Variants in COX7B2 observed in about 807,000 individuals in gnomAD.
COX7B2 encodes the protein cytochrome c oxidase subunit 7B2, mitochondrial.
For synonymous variants in COX7B2, 37 were observed against 32.1 expected (o/e 1.15, Z -0.51); for missense variants, 109 against 95.9 (o/e 1.14, Z -0.57).
At chr4:46,762,116 A>G (rs1716185572) in intron 2 of COX7B2, among the ~76,000 whole-genome samples, 1 of 149,616 alleles carries the variant, frequency 6.7e-6, no homozygotes, top group Non-Finnish European at 1.5e-5. Flanking sequence ...ATTGTAGTCT[A>G]AACAGAAATG....
At chr4:46,856,195 G>A (rs1477484894) in intron 1 of COX7B2, among the ~76,000 whole-genome samples, 1 of 152,022 alleles carries the variant, frequency 6.6e-6, no homozygotes, top group African/African-American at 2.4e-5. Context: ...AGTAAGCCAA[G>A]ATCAATGCAC....
intron 2 of COX7B2, among the ~76,000 whole-genome samples, chr4:46,765,452 C>T (rs967521238): frequency 6.6e-6 from 1 of 152,146 alleles, no homozygotes; most frequent in Non-Finnish European, 1.5e-5. Flanking sequence ...TCTAGGCTAG[C>T]CTCTGTAGCC....
At chr4:46,869,676 C>A (rs985406526) in intron 1 of COX7B2, among the ~76,000 whole-genome samples, 1 of 151,342 alleles carries the variant, frequency 6.6e-6, no homozygotes, top group Non-Finnish European at 1.5e-5. Context: ...ATTTTTTTTT[C>A]TTTAATAATG....
At chr4:46,832,227 C>T (rs76270465) in intron 2 of COX7B2, among the ~76,000 whole-genome samples, 31 of 152,078 alleles carry the variant, frequency 2.0e-4, no homozygotes, top group South Asian at 1.7e-3. Context: ...ACACTCACTG[C>T]GAAGGTCTGC....
intron 2 of COX7B2, among the ~76,000 whole-genome samples, chr4:46,787,863 C>T (rs1279375028): frequency 6.6e-6 from 1 of 152,094 alleles, no homozygotes; most frequent in South Asian, 2.1e-4. Flanking sequence ...GTTTTAGAGG[C>T]TTTTATTTAT....
chr4:46,878,892 C>T (rs10028342), intron 1 of COX7B2, among the ~76,000 whole-genome samples: 36,330 of 151,970 alleles, frequency 0.24, 4,560 homozygotes, highest in East Asian at 0.29. Context: ...ACAGACACGC[C>T]TAACAAAGAA....
chr4:46,782,088 C>T (rs1384119922), intron 2 of COX7B2, among the ~76,000 whole-genome samples: 11 of 152,152 alleles, frequency 7.2e-5, no homozygotes, highest in South Asian at 2.1e-4. Context: ...ATGGCCCCTG[C>T]GCAGGATCCA....
At chr4:46,831,038 G>A (rs751518353) in intron 2 of COX7B2, among the ~76,000 whole-genome samples, 2 of 152,196 alleles carry the variant, frequency 1.3e-5, no homozygotes, top group Non-Finnish European at 2.9e-5. Flanking sequence ...GGGAGGTGTG[G>A]AGGGAAAGGC....
intron 1 of COX7B2, among the ~76,000 whole-genome samples, chr4:46,864,406 A>G (rs959631431): frequency 3.9e-5 from 6 of 152,086 alleles, no homozygotes; most frequent in Non-Finnish European, 7.3e-5. Flanking sequence ...AACTGAAGGG[A>G]GGCAGTGAAG....
intron 2 of COX7B2, among the ~76,000 whole-genome samples, chr4:46,779,782 A>T (rs1717345240): frequency 6.6e-6 from 1 of 152,166 alleles, no homozygotes; most frequent in South Asian, 2.1e-4. Context: ...AAAAAACTTG[A>T]ATACAAGGAA....
intron 2 of COX7B2, among the ~76,000 whole-genome samples, chr4:46,821,511 G>A (rs1714285735): frequency 6.6e-6 from 1 of 152,166 alleles, no homozygotes; most frequent in African/African-American, 2.4e-5. Flanking sequence ...ACTAGATACA[G>A]AATGTGACAG....
In COX7B2 at chr4:46,735,202, C is replaced by T. The variant is rs1288932803; in HGVS notation, c.-10G>A. 1.2e-6 allele frequency: 2 copies of T among 1,612,526 alleles called. No individual in the cohort carries two copies. The highest frequency in any genetic ancestry group is 8.5e-7 in the Non-Finnish European group (1 of 1,179,594). On this transcript the variant is annotated 5_prime_UTR_variant, in exon 3 of 3. Transcript: ENST00000355591. Reference sequence around the variant, plus strand: ...CCAAGGGAAACATCATGAAGGATTGCAGTTGCCTTCAGCTACTGGTCTATT... The same window carrying T: ...CCAAGGGAAACATCATGAAGGATTGTAGTTGCCTTCAGCTACTGGTCTATT...
chr4:46,808,404 A>G (rs1719113372), intron 2 of COX7B2, among the ~76,000 whole-genome samples: 1 of 151,732 alleles, frequency 6.6e-6, no homozygotes, highest in South Asian at 2.1e-4. Context: ...ATATTCATTT[A>G]TTAGTTCTAT....
intron 2 of COX7B2, among the ~76,000 whole-genome samples, chr4:46,776,133 T>A (rs1367510188): frequency 1.3e-5 from 2 of 151,990 alleles, no homozygotes; most frequent in Non-Finnish European, 1.5e-5. Flanking sequence ...CCATTGCTCC[T>A]ATGAGTATGG....
rs529873099 is a variant in COX7B2, at chr4:46,739,591, G to A, written c.-49-4350C>T. 2.6e-5 allele frequency among the ~76,000 whole-genome samples: 4 copies of A among 152,128 alleles called. No homozygotes were observed. The South Asian group carries it at 8.3e-4, about 32-fold the overall frequency. ...AGGGTGTATTTAGTTCACAGAGGAGGGGGCGTTTTATCCTGAGATCCTAGG... is the reference window on the plus strand; with the variant it reads ...AGGGTGTATTTAGTTCACAGAGGAGAGGGCGTTTTATCCTGAGATCCTAGG... On this transcript the variant is annotated intron_variant, in intron 2 of 2. Transcript: ENST00000355591.
At chr4:46,806,943 A>G (rs144239516) in intron 2 of COX7B2, among the ~76,000 whole-genome samples, 32 of 152,116 alleles carry the variant, frequency 2.1e-4, no homozygotes, top group Admixed American at 3.3e-4. Context: ...GATTATTTCC[A>G]TATCTTGGCT....
intron 2 of COX7B2, among the ~76,000 whole-genome samples, chr4:46,796,080 T>TGCAGCCAAAAAA (rs1328914082): frequency 2.0e-5 from 2 of 99,996 alleles, no homozygotes; most frequent in African/African-American, 9.4e-5. Context: ...AAGTTGCTTA[T>TGCAGCCAAAAAA]CAGCTTAAGG....
At chr4:46,739,511 G>A (rs1240798946) in intron 2 of COX7B2, among the ~76,000 whole-genome samples, 2 of 152,058 alleles carry the variant, frequency 1.3e-5, no homozygotes, top group Admixed American at 6.6e-5. Context: ...TTATGGTATA[G>A]TGGAGAAATA....
At chr4:46,742,036 A>G (rs1714747534) in intron 2 of COX7B2, among the ~76,000 whole-genome samples, 1 of 152,166 alleles carries the variant, frequency 6.6e-6, no homozygotes, top group Non-Finnish European at 1.5e-5. Flanking sequence ...AGGCCACTGA[A>G]AGAGTACAAT....
Sources: gnomAD v4.1 joint callset for allele counts (sites outside exome capture counted in the v4.1 genomes callset) on GRCh38, gnomAD v4.1.1 for gene constraint, MANE v1.5 for transcripts, NCBI Gene and HGNC (gene_info 2026-07-23, HGNC 2026-07-21) for gene names.